The following TPR variants were observed in gnomAD, a reference collection of about 807,000 sequenced individuals.
The protein encoded by TPR is nucleoprotein TPR.
In TPR, 51 loss-of-function variants were observed where a neutral mutation model predicts 316.1. That is an observed-to-expected ratio of 0.16 (90% CI 0.13 to 0.20). TPR has a LOEUF of 0.20. Among genes scored for constraint, TPR ranks in the 10% least tolerant of loss-of-function variants. TPR has a pLI of 1.00. For synonymous variants in TPR, 981 were observed against 914.7 expected (o/e 1.07, Z -1.31); for missense variants, 2,272 against 2,754.8 (o/e 0.82, Z 3.92).
rs1318611724 is a variant in TPR at position 186,339,746 on chromosome 1, T to C, written c.4047A>G (p.Pro1349=). 17 of 1,601,902 alleles carry C rather than the reference T, an allele frequency of 1.1e-5. No individual in the cohort carries two copies. The Admixed American group carries it at 2.6e-4, about 24-fold the overall frequency. The change falls in exon 30 of 51, where the codon CCA becomes CCG. Residue 1349 remains proline (P), a synonymous_variant. Transcript: ENST00000367478. ...GGAGCTTCCGATATTCTTCTGTATC[T>C]GGATCTTTCTGTTGACTTACTAGAT... is the stretch of plus-strand genomic sequence containing the variant. ...NQHLVSQQKD[P]DTEEYRKLLS...
chr1:186,371,094 A>G (rs762840040), intron 2 of TPR, 51 bp from the exon 3 acceptor site: 2 of 1,455,400 alleles, frequency 1.4e-6, no homozygotes, highest in South Asian at 1.2e-5. Context: ...AAAACTTGCA[A>G]TGAGTGTTTT....
At chr1:186,338,456 G>A (rs1658405746) in intron 30 of TPR, among the ~76,000 whole-genome samples, 2 of 152,024 alleles carry the variant, frequency 1.3e-5, no homozygotes, top group South Asian at 4.1e-4. Flanking sequence ...TTAGAGATGA[G>A]AAAAACAGAG....
intron 22 of TPR, 140 bp downstream of exon 22, chr1:186,347,152 A>C (rs995223942): frequency 1.2e-6 from 1 of 833,690 alleles, no homozygotes; most frequent in African/African-American, 1.7e-5. Context: ...GGCTTATGAG[A>C]CTCAAGTACT....
At chr1:186,354,383 A>G (rs1454898103) in intron 17 of TPR, among the ~76,000 whole-genome samples, 1 of 152,228 alleles carries the variant, frequency 6.6e-6, no homozygotes, top group Non-Finnish European at 1.5e-5. Context: ...AAATTAAGTT[A>G]TTATACAGGG....
At chr1:186,369,053 T>C (rs1021081129) in intron 3 of TPR, among the ~76,000 whole-genome samples, 1 of 152,206 alleles carries the variant, frequency 6.6e-6, no homozygotes, top group African/African-American at 2.4e-5. Context: ...TTGAAATTAG[T>C]TGACCATATG....
At chr1:186,337,296 A>C in intron 31 of TPR, 140 bp from the exon 32 acceptor site, 1 of 1,054,880 alleles carries the variant, frequency 9.5e-7, no homozygotes, top group Non-Finnish European at 1.3e-6. Context: ...TTTCTATGAA[A>C]CAACTGTAAT....
rs1462069518 is a variant in TPR, at chr1:186,335,527, T to A, written c.4722A>T (p.Leu1574=). ...IAHLAGVKDQ[L]TKENEELKQR... The stretch of plus-strand genomic sequence containing the variant: ...GTTTAAGCTCCTCATTTTCTTTAGT[T>A]AGCTGATCTTTTACACCTAAAGAAG... Residue 1574 remains leucine, a synonymous_variant, in exon 34 of 51, where the codon CTA becomes CTT. Transcript: ENST00000367478. 1.2e-6 allele frequency: 2 copies of A among 1,602,936 alleles called. No homozygotes were observed.
chr1:186,336,806 GAAGTAT>G (rs2102068670), intron 32 of TPR, 112 bp from the exon 33 acceptor site: 2 of 1,338,904 alleles, frequency 1.5e-6, no homozygotes, highest in African/African-American at 1.5e-5. Flanking sequence ...AGATTAAATG[GAAGTAT>G]AAGTATAAAA....
rs567334759 is a variant in TPR at position 186,333,004 on chromosome 1, G to A, written c.5455+118C>T. 5.9e-5 allele frequency: 70 copies of A among 1,193,680 alleles called. No homozygotes were observed. The African/African-American group carries it at 6.5e-4, about 11-fold the overall frequency. The allele number at this position is 1,193,680 out of a possible 1,614,324, so 73.9% of individuals were successfully genotyped here. A position where few individuals can be genotyped will look rare whatever the true frequency, so the allele number is the denominator to read the frequency against. Reference sequence around the variant, plus strand: ...ATTATATCCAAGATATTATAATTGCGTAGGTCTATTCTAACTTCATTTGTA... The same window carrying A: ...ATTATATCCAAGATATTATAATTGCATAGGTCTATTCTAACTTCATTTGTA... On this transcript the variant is annotated intron_variant, in intron 37 of 50. Transcript: ENST00000367478.
At chr1:186,334,580 C>A in intron 35 of TPR, 47 bp from the exon 36 acceptor site, 1 of 1,567,030 alleles carries the variant, frequency 6.4e-7, no homozygotes, top group Non-Finnish European at 8.7e-7. Context: ...AATTATTATG[C>A]AAATACTTTT....
chr1:186,358,737 C>T (rs867777912), intron 12 of TPR, 87 bp from the exon 13 acceptor site: 1 of 1,005,152 alleles, frequency 9.9e-7, no homozygotes, highest in Middle Eastern at 2.2e-4. Flanking sequence ...CAAACACCAC[C>T]AGTAATCAAC....
chr1:186,314,183 A>C (rs1256540215), intron 50 of TPR, 157 bp from the exon 51 acceptor site: 11 of 616,620 alleles, frequency 1.8e-5, no homozygotes, highest in Non-Finnish European at 2.7e-5. Flanking sequence ...CAAGCAGATT[A>C]ATCCCTCTTT....
rs1367871138 is a variant in TPR, at chr1:186,318,675, T to C, written c.6664+58A>G. The C allele has an allele frequency of 3.7e-6, 6 of 1,609,786 alleles. No individual in the cohort carries two copies. The Admixed American group carries it at 8.5e-5, about 23-fold the overall frequency. On this transcript the variant is annotated intron_variant, in intron 47 of 50. Transcript: ENST00000367478. ...TATCACATTTTTAGCCAGAAGATACTTCATAGGTTTTCATTTTACCAATAA... is the reference window on the plus strand; with the variant it reads ...TATCACATTTTTAGCCAGAAGATACCTCATAGGTTTTCATTTTACCAATAA...
In TPR at chr1:186,312,413, T is replaced by A. The variant is rs9272; in HGVS notation, c.*1558A>T. ...TGTTAAAAAAATCCTTAAACATAAGTAGATGTAATACAGTTTCTTATACAG... is the reference window on the plus strand; with the variant it reads ...TGTTAAAAAAATCCTTAAACATAAGAAGATGTAATACAGTTTCTTATACAG... On this transcript the variant is annotated 3_prime_UTR_variant, in exon 51 of 51. Coordinates refer to ENST00000367478, the MANE Select transcript of TPR (RefSeq NM_003292.3). The A allele has an allele frequency of 7.1e-4, 1,075 of 1,523,936 alleles. 8 individuals are homozygous for A. The African/African-American group carries it at 0.014, about 19-fold the overall frequency. 94.4% of individuals were successfully genotyped at this position (1,523,936 alleles called of 1,614,324 possible).
intron 21 of TPR, among the ~76,000 whole-genome samples, chr1:186,349,502 T>A (rs1029083429): frequency 6.8e-6 from 1 of 146,186 alleles, no homozygotes; most frequent in African/African-American, 2.6e-5. Context: ...AAAAAAAAAA[T>A]ACAAAAAATG....
At chr1:186,316,877 T>C (rs1237450390) in intron 49 of TPR, among the ~76,000 whole-genome samples, 1 of 152,248 alleles carries the variant, frequency 6.6e-6, no homozygotes, top group Non-Finnish European at 1.5e-5. Context: ...AAATGCTAAC[T>C]GTTATTCTAA....
intron 4 of TPR, among the ~76,000 whole-genome samples, chr1:186,364,015 A>G (rs1659265669): frequency 6.6e-6 from 1 of 152,208 alleles, no homozygotes; most frequent in Non-Finnish European, 1.5e-5. Flanking sequence ...TCTGTATAGA[A>G]TGCTGTGTGA....
intron 4 of TPR, among the ~76,000 whole-genome samples, chr1:186,364,154 T>G (rs945858865): frequency 3.3e-5 from 5 of 152,168 alleles, no homozygotes; most frequent in Non-Finnish European, 4.4e-5. Context: ...TTGAAGTTTT[T>G]GCATATTTGT....
chr1:186,353,238 G>A (rs1447988983), intron 18 of TPR, among the ~76,000 whole-genome samples: 3 of 152,022 alleles, frequency 2.0e-5, no homozygotes, highest in East Asian at 1.9e-4. Flanking sequence ...CAGGTGTGGT[G>A]GCGGGCACCT....
Sources: gnomAD v4.1 joint callset for allele counts (sites outside exome capture counted in the v4.1 genomes callset) on GRCh38, gnomAD v4.1.1 for gene constraint, MANE v1.5 for transcripts, NCBI Gene and HGNC (gene_info 2026-07-23, HGNC 2026-07-21) for gene names.